Variants in CYFIP2 observed in about 807,000 individuals in gnomAD.
CYFIP2 encodes cytoplasmic FMR1 interacting protein 2.
In CYFIP2, 29 loss-of-function variants were observed where a neutral mutation model predicts 158.7. That is an observed-to-expected ratio of 0.18 (90% CI 0.14 to 0.25). The LOEUF (loss-of-function observed/expected upper bound fraction) is 0.25. CYFIP2 is among the 10% of genes least tolerant of loss of function. The probability of loss-of-function intolerance (pLI) is 1.00; values close to 1 mark genes in which losing one functional copy is unlikely to be tolerated. For synonymous variants in CYFIP2, 585 were observed against 617.6 expected (o/e 0.95, Z 0.78); for missense variants, 852 against 1,639.5 (o/e 0.52, Z 8.29).
chr5:157,300,240 A>G (rs1379889782), intron 5 of CYFIP2, among the ~76,000 whole-genome samples: 1 of 152,098 alleles, frequency 6.6e-6, no homozygotes, highest in Non-Finnish European at 1.5e-5. Flanking sequence ...CCCCTCAAGA[A>G]ATCAGCTTCG....
At chr5:157,310,136 C>T (rs933993320) in intron 10 of CYFIP2, among the ~76,000 whole-genome samples, 6 of 152,200 alleles carry the variant, frequency 3.9e-5, no homozygotes, top group African/African-American at 1.4e-4. Flanking sequence ...GAGTGGCCAG[C>T]CCTCAGTGGT....
At position 157,285,366 on chromosome 5, in the gene CYFIP2, C is replaced by A; in HGVS notation, c.5C>A (p.Thr2Asn). The stretch of plus-strand genomic sequence containing the variant: ...CAGAATACAGAAACTGCAGCCATGA[C>A]CACGCACGTCACCCTGGAAGATGCC... The part of the protein sequence containing the change: M[T>N]THVTLEDALS... The change falls in exon 2 of 31, where the codon ACC (threonine) becomes AAC (asparagine). Residue 2 changes from threonine (T) to asparagine (N), a missense_variant. Transcript: ENST00000620254. The A allele has an allele frequency of 6.4e-7, 1 of 1,564,714 alleles. No homozygotes were observed.
Position 157,330,952 on chromosome 5 carries a change from G to C in CYFIP2, c.2265+102G>C, listed in dbSNP as rs61190491. ...ATCAGGCCTGGGTATTGTCTGCCCG[G>C]CATGTTGCCAGTGTGGATTTCCGAG... On this transcript the variant is annotated intron_variant, in intron 20 of 30. Coordinates refer to ENST00000620254, the MANE Select transcript of CYFIP2 (RefSeq NM_001037333.3). 1,713 of 867,956 alleles carry C rather than the reference G, an allele frequency of 2.0e-3. 28 individuals carry two copies. The African/African-American group carries it at 0.026, about 13-fold the overall frequency. The allele number at this position is 867,956 out of a possible 1,614,324, so 53.8% of individuals were successfully genotyped here.
In CYFIP2 at chr5:157,361,258, T is replaced by C. The variant is rs1581140958; in HGVS notation, c.2909-210T>C. On this transcript the variant is annotated intron_variant, in intron 25 of 30. Coordinates refer to ENST00000620254, the MANE Select transcript of CYFIP2 (RefSeq NM_001037333.3). This position sits in a 1 kb window ranked among gnomAD's most constrained non-coding sequence, Gnocchi z 4.4. ...GTGTGCATGTGTGTGCGTGTGTGTG[T>C]TCTGAAAAAGACATGAGCCAGCTAC... 1 of 553,744 alleles carries C rather than the reference T, an allele frequency of 1.8e-6. No homozygotes were observed. The highest frequency in any genetic ancestry group is 3.2e-6 in the Non-Finnish European group (1 of 310,654). The allele number at this position is 553,744 out of a possible 1,614,324, so 34.3% of individuals were successfully genotyped here.
chr5:157,355,124 C>T (rs1763328171), intron 23 of CYFIP2, among the ~76,000 whole-genome samples: 1 of 151,760 alleles, frequency 6.6e-6, no homozygotes, highest in South Asian at 2.1e-4. Flanking sequence ...TGAACATCTC[C>T]CATTTTTATG....
intron 26 of CYFIP2, among the ~76,000 whole-genome samples, chr5:157,366,103 C>A (rs928202765): frequency 6.6e-6 from 1 of 152,128 alleles, no homozygotes; most frequent in East Asian, 1.9e-4. Flanking sequence ...GTTATCATTT[C>A]TTTGCAGCCT....
intron 21 of CYFIP2, 54 bp downstream of exon 21, chr5:157,333,500 G>A: frequency 6.2e-7 from 1 of 1,612,860 alleles, no homozygotes; most frequent in Non-Finnish European, 8.5e-7. Flanking sequence ...CAGACTAGAA[G>A]CCTAGATGGG....
chr5:157,267,802 G>C (rs148594439), intron 1 of CYFIP2, among the ~76,000 whole-genome samples: 233 of 152,382 alleles, frequency 1.5e-3, no homozygotes, highest in African/African-American at 5.1e-3. Flanking sequence ...CAAACAGTGG[G>C]CTGGAAGTGG....
intron 4 of CYFIP2, among the ~76,000 whole-genome samples, chr5:157,295,483 CTTCT>C (rs1056055290): frequency 1.3e-5 from 2 of 152,208 alleles, no homozygotes; most frequent in Admixed American, 1.3e-4. Flanking sequence ...CTCCCCCTTC[CTTCT>C]AATTCTAGGC....
intron 23 of CYFIP2, among the ~76,000 whole-genome samples, chr5:157,348,929 G>A (rs113931601): frequency 0.023 from 3,359 of 146,942 alleles, 136 homozygotes; most frequent in African/African-American, 0.082. Flanking sequence ...CAGCCTGGGC[G>A]ACAGTGGAAG....
chr5:157,269,966 A>T (rs2113800773), intron 1 of CYFIP2, among the ~76,000 whole-genome samples: 1 of 152,354 alleles, frequency 6.6e-6, no homozygotes, highest in East Asian at 1.9e-4. Flanking sequence ...TTTAAGCCAT[A>T]CTTGGGCCCT....
chr5:157,338,241 A>G (rs1479423478), intron 21 of CYFIP2, among the ~76,000 whole-genome samples: 1 of 152,246 alleles, frequency 6.6e-6, no homozygotes, highest in Admixed American at 6.5e-5. Flanking sequence ...TCCTTCGTTC[A>G]GGGCCCACAG....
intron 1 of CYFIP2, among the ~76,000 whole-genome samples, chr5:157,282,934 C>T (rs1757100863): frequency 6.6e-6 from 1 of 152,210 alleles, no homozygotes; most frequent in African/African-American, 2.4e-5. Flanking sequence ...AGAAGCTGTG[C>T]ACATGATTTT....
chr5:157,363,826 A>AGTTT (rs1420136588), intron 26 of CYFIP2: 1 of 152,336 alleles, frequency 6.6e-6, no homozygotes, highest in Non-Finnish European at 1.5e-5. Context: ...CCTGGAACAA[A>AGTTT]GGTAGAGAGA....
chr5:157,378,524 G>A (rs1478525390), intron 26 of CYFIP2, among the ~76,000 whole-genome samples: 2 of 152,164 alleles, frequency 1.3e-5, no homozygotes, highest in African/African-American at 4.8e-5. Flanking sequence ...AATGAAGGGG[G>A]AAAGTCAGGC....
chr5:157,315,315 G>GAA (rs57338866), intron 13 of CYFIP2, among the ~76,000 whole-genome samples: 43 of 148,650 alleles, frequency 2.9e-4, no homozygotes, highest in African/African-American at 6.7e-4. Flanking sequence ...CATTCCACTG[G>GAA]AAAAAAAAAC....
chr5:157,342,876 G>A, intron 23 of CYFIP2: 2 of 1,612,484 alleles, frequency 1.2e-6, no homozygotes, highest in Non-Finnish European at 1.7e-6. Flanking sequence ...TCCCCACAAT[G>A]AGGCAGTATA....
At chr5:157,346,464 G>C (rs1006608599) in intron 23 of CYFIP2, among the ~76,000 whole-genome samples, 3 of 152,154 alleles carry the variant, frequency 2.0e-5, no homozygotes, top group Admixed American at 6.5e-5. Flanking sequence ...AAAAGACAGA[G>C]AGACTCAAGG....
At chr5:157,321,181 T>C (rs1201317452) in intron 15 of CYFIP2, among the ~76,000 whole-genome samples, 1 of 152,258 alleles carries the variant, frequency 6.6e-6, no homozygotes, top group Non-Finnish European at 1.5e-5. Context: ...TCTATCTGCA[T>C]GCATCTATGC....
Sources: allele counts gnomAD v4.1 joint callset (sites outside exome capture counted in the v4.1 genomes callset), GRCh38; gene constraint gnomAD v4.1.1; non-coding constraint Gnocchi (gnomAD v3.1); transcripts MANE v1.5; gene names NCBI Gene and HGNC (gene_info 2026-07-23, HGNC 2026-07-21).